Variants in DSCAM observed in about 807,000 individuals in gnomAD.
The protein encoded by DSCAM is DS cell adhesion molecule, also known as cell adhesion molecule DSCAM.
DSCAM carries 47 observed loss-of-function variants against 217.7 expected under a neutral mutation model. That is an observed-to-expected ratio of 0.22 (90% CI 0.17 to 0.28). The LOEUF is 0.28. Ranked by LOEUF, DSCAM falls within the 10% of genes least tolerant of loss-of-function variation. The pLI is 1.00. For synonymous variants in DSCAM, 1,056 were observed against 1,015.3 expected (o/e 1.04, Z -0.76); for missense variants, 2,080 against 2,618.3 (o/e 0.79, Z 4.49).
chr21:40,818,126 A>G (rs1427849188), intron 1 of DSCAM, among the ~76,000 whole-genome samples: 6 of 123,660 alleles, frequency 4.9e-5, no homozygotes, highest in East Asian at 2.7e-4. Flanking sequence ...AAAAAAAAAA[A>G]AAGAAGCTCC....
At chr21:40,455,905 G>A (rs1377485099) in intron 3 of DSCAM, among the ~76,000 whole-genome samples, 1 of 152,104 alleles carries the variant, frequency 6.6e-6, no homozygotes, top group Non-Finnish European at 1.5e-5. Context: ...AAGAAGACAA[G>A]GAGATTCAAA....
At chr21:40,836,713 A>G (rs2092059682) in intron 1 of DSCAM, among the ~76,000 whole-genome samples, 1 of 152,182 alleles carries the variant, frequency 6.6e-6, no homozygotes, top group Non-Finnish European at 1.5e-5. Flanking sequence ...AGAACAGGCA[A>G]AGGCATGCGT....
At chr21:40,703,559 CA>C (rs1476032623) in intron 2 of DSCAM, among the ~76,000 whole-genome samples, 1 of 152,028 alleles carries the variant, frequency 6.6e-6, no homozygotes, top group South Asian at 2.1e-4. Context: ...CACACACACC[CA>C]ACAGCAACAA....
At chr21:40,259,128 T>C (rs1353024698) in intron 11 of DSCAM, among the ~76,000 whole-genome samples, 1 of 152,236 alleles carries the variant, frequency 6.6e-6, no homozygotes, top group African/African-American at 2.4e-5. Context: ...ATATACTCTG[T>C]GATTTCATTT....
At chr21:40,677,511 T>C (rs946150546) in intron 3 of DSCAM, among the ~76,000 whole-genome samples, 6 of 152,188 alleles carry the variant, frequency 3.9e-5, no homozygotes, top group South Asian at 2.1e-4. Flanking sequence ...CACTGCCCCA[T>C]AGCTTTTATT....
chr21:40,558,376 A>T (rs1422778561), intron 3 of DSCAM, among the ~76,000 whole-genome samples: 1 of 151,950 alleles, frequency 6.6e-6, no homozygotes, highest in African/African-American at 2.4e-5. Flanking sequence ...TGAACCTGGG[A>T]GGCGGAGCTT....
At chr21:40,232,233 CAA>C (rs1003132062) in intron 11 of DSCAM, among the ~76,000 whole-genome samples, 2 of 152,066 alleles carry the variant, frequency 1.3e-5, no homozygotes, top group African/African-American at 2.4e-5. Flanking sequence ...ACAGGAGAAA[CAA>C]GAGAAAAATT....
intron 16 of DSCAM, among the ~76,000 whole-genome samples, chr21:40,156,301 G>C (rs1263895054): frequency 5.1e-5 from 6 of 116,710 alleles, no homozygotes; most frequent in Non-Finnish European, 1.0e-4. Context: ...GAGAGAGAGA[G>C]AGAGAGAGAG....
chr21:40,462,728 A>C (rs191572358), intron 3 of DSCAM, among the ~76,000 whole-genome samples: 4 of 152,166 alleles, frequency 2.6e-5, no homozygotes, highest in Non-Finnish European at 5.9e-5. Context: ...GATCTAATTG[A>C]TTGGTTTACA....
Position 40,352,770 on chromosome 21 carries a change from T to G in DSCAM, c.934+695A>C, listed in dbSNP as rs2074646555. 5.3e-5 allele frequency among the ~76,000 whole-genome samples: 8 copies of G among 152,222 alleles called. No homozygotes were observed. The South Asian group carries it at 1.7e-3, about 32-fold the overall frequency. ...TGTGATCTTGGGTAATTCACTTTAA[T>G]TTGGTTTCTGCAAGAGCAAAATTGA... On this transcript the variant is annotated intron_variant, in intron 5 of 32. Coordinates refer to ENST00000400454, the MANE Select transcript of DSCAM (RefSeq NM_001389.5).
intron 8 of DSCAM, among the ~76,000 whole-genome samples, chr21:40,337,347 A>C (rs917100718): frequency 6.6e-5 from 10 of 152,194 alleles, no homozygotes; most frequent in Admixed American, 3.9e-4. Flanking sequence ...CCTAGGACCC[A>C]CCTCAGGTAG....
chr21:40,038,044 G>T (rs1341667970), intron 32 of DSCAM, among the ~76,000 whole-genome samples: 1 of 150,498 alleles, frequency 6.6e-6, no homozygotes, highest in South Asian at 2.1e-4. Context: ...TTAAACGTTA[G>T]ACCTAAAACC....
chr21:40,404,997 A>G (rs913873341), intron 3 of DSCAM, among the ~76,000 whole-genome samples: 2 of 152,192 alleles, frequency 1.3e-5, no homozygotes, highest in African/African-American at 4.8e-5. Context: ...TTCAGTACAA[A>G]ATATGTATTA....
intron 3 of DSCAM, among the ~76,000 whole-genome samples, chr21:40,567,023 T>A (rs1803629168): frequency 6.6e-6 from 1 of 152,008 alleles, no homozygotes. Context: ...AACAGAATTA[T>A]TAAAGACACA....
chr21:40,773,111 C>T (rs1017686714), intron 1 of DSCAM, among the ~76,000 whole-genome samples: 4 of 152,364 alleles, frequency 2.6e-5, no homozygotes, highest in Non-Finnish European at 1.5e-5. Context: ...CCCTGACTTA[C>T]GCAGCTCCCC....
intron 9 of DSCAM, among the ~76,000 whole-genome samples, chr21:40,307,647 G>A (rs1278135949): frequency 1.3e-5 from 2 of 152,102 alleles, no homozygotes; most frequent in African/African-American, 2.4e-5. Context: ...TGTTTATTGA[G>A]GCACTATTCA....
intron 3 of DSCAM, among the ~76,000 whole-genome samples, chr21:40,620,630 G>A (rs1568943040): frequency 6.6e-6 from 1 of 152,162 alleles, no homozygotes; most frequent in Non-Finnish European, 1.5e-5. Flanking sequence ...ACCAAATGAT[G>A]GTGAGAATAT....
intron 24 of DSCAM, among the ~76,000 whole-genome samples, chr21:40,083,064 T>C (rs556809655): frequency 7.2e-5 from 11 of 152,340 alleles, no homozygotes; most frequent in African/African-American, 2.4e-4. Context: ...ACAGGCCCTC[T>C]TTCCTGTGTA....
At chr21:40,808,370 A>T (rs1019254817) in intron 1 of DSCAM, among the ~76,000 whole-genome samples, 7 of 152,200 alleles carry the variant, frequency 4.6e-5, no homozygotes, top group Non-Finnish European at 8.8e-5. Flanking sequence ...GAGAAGTGAT[A>T]AAAGTGCAGC....
Sources: gnomAD v4.1 joint callset for allele counts (sites outside exome capture counted in the v4.1 genomes callset) on GRCh38, gnomAD v4.1.1 for gene constraint, MANE v1.5 for transcripts, NCBI Gene and HGNC (gene_info 2026-07-23, HGNC 2026-07-21) for gene names.